The following TAFA2 variants were observed in gnomAD, a reference collection of about 807,000 sequenced individuals.
TAFA2 encodes the protein chemokine-like protein TAFA-2.
A neutral mutation model predicts 18.8 loss-of-function variants in TAFA2; 7 were observed. The ratio of observed to expected loss-of-function variants is 0.37; its 90% confidence interval spans 0.21 to 0.70. The LOEUF is 0.70. Among genes scored for constraint, TAFA2 ranks in the 30% least tolerant of loss-of-function variants. TAFA2 has a pLI of 0.53. For missense variants in TAFA2, 122 were observed against 158.1 expected, an observed-to-expected ratio of 0.77 and a Z score of 1.23; for synonymous variants, 60 against 54.2, an observed-to-expected ratio of 1.11 and a Z score of -0.47.
intron 2 of TAFA2, among the ~76,000 whole-genome samples, chr12:61,848,928 A>G (rs1873522694): frequency 6.6e-6 from 1 of 150,634 alleles, no homozygotes; most frequent in African/African-American, 2.4e-5. Flanking sequence ...TGCAACCTCC[A>G]CCTAGCAGGT....
At chr12:61,982,143 T>C (rs1879656154) in intron 1 of TAFA2, among the ~76,000 whole-genome samples, 1 of 152,028 alleles carries the variant, frequency 6.6e-6, no homozygotes, top group African/African-American at 2.4e-5. Context: ...CTTTGCAGGG[T>C]TGTGGATGAA....
At position 62,040,977 on chromosome 12, in the gene TAFA2, G is replaced by A. The variant is rs76651355; in HGVS notation, c.-2+150282C>T. Among the ~76,000 whole-genome samples, 758 of 152,216 alleles carry A rather than the reference G, an allele frequency of 5.0e-3. 4 individuals carry two copies. The highest frequency in any genetic ancestry group is 0.013 in the African/African-American group (540 of 41,542). On this transcript the variant is annotated intron_variant, in intron 1 of 4. Transcript: ENST00000416284. ...CAAAATATTTTTGAGCACTTGAGCCGTGAACAAGAAAGACTAATAATAAAC... is the reference window on the plus strand; with the variant it reads ...CAAAATATTTTTGAGCACTTGAGCCATGAACAAGAAAGACTAATAATAAAC...
chr12:62,078,125 T>G (rs1187333174), intron 1 of TAFA2, among the ~76,000 whole-genome samples: 2 of 152,078 alleles, frequency 1.3e-5, no homozygotes, highest in Non-Finnish European at 2.9e-5. Context: ...TCCATGGGCC[T>G]CATATGTCCG....
intron 2 of TAFA2, among the ~76,000 whole-genome samples, chr12:61,847,421 A>G (rs1052221516): frequency 1.3e-4 from 20 of 152,224 alleles, no homozygotes; most frequent in African/African-American, 4.8e-4. Flanking sequence ...TTACTGGGAA[A>G]TAAAATGTTT....
intron 1 of TAFA2, among the ~76,000 whole-genome samples, chr12:62,095,430 G>C (rs1201051486): frequency 1.3e-5 from 2 of 152,136 alleles, no homozygotes; most frequent in Non-Finnish European, 2.9e-5. Flanking sequence ...AGGTCTAAAA[G>C]AACATGGTCA....
Position 62,228,521 on chromosome 12 carries a change from C to T in TAFA2, c.-130+30242G>A, listed in dbSNP as rs1256888279. Among the ~76,000 whole-genome samples the T allele has an allele frequency of 3.3e-5, 5 of 152,240 alleles. No homozygotes were observed. In the East Asian group the frequency reaches 9.6e-4, roughly 29 times the overall value. On this transcript the variant is annotated intron_variant, in intron 1 of 5. Coordinates refer to the TAFA2 transcript ENST00000551619. ...CCCACCAACAGTGCATAAGCATTCCCTTTTCTCTGCAACCTCACCAACATC... is the reference window on the plus strand; with the variant it reads ...CCCACCAACAGTGCATAAGCATTCCTTTTTCTCTGCAACCTCACCAACATC...
At chr12:61,880,120 G>T in intron 1 of TAFA2, 1 of 611,356 alleles carries the variant, frequency 1.6e-6, no homozygotes. Flanking sequence ...TCAAGGCCCA[G>T]TATAAGGAGA....
chr12:61,945,742 C>G (rs1174555201), intron 1 of TAFA2, among the ~76,000 whole-genome samples: 1 of 141,702 alleles, frequency 7.1e-6, no homozygotes, highest in Non-Finnish European at 1.5e-5. Context: ...AGGAATCCAA[C>G]TTACAAGGGA....
chr12:61,967,024 C>G (rs904172214), intron 1 of TAFA2, among the ~76,000 whole-genome samples: 3 of 151,736 alleles, frequency 2.0e-5, no homozygotes, highest in Non-Finnish European at 4.4e-5. Flanking sequence ...TGACCTGGAG[C>G]AAAATACATT....
chr12:61,992,423 T>C (rs1399709913), intron 1 of TAFA2, among the ~76,000 whole-genome samples: 1 of 152,094 alleles, frequency 6.6e-6, no homozygotes, highest in Non-Finnish European at 1.5e-5. Context: ...ATCTAACCAA[T>C]TTTCACAGCT....
chr12:61,947,185 T>C (rs2121442237), intron 1 of TAFA2, among the ~76,000 whole-genome samples: 1 of 147,570 alleles, frequency 6.8e-6, no homozygotes, highest in Middle Eastern at 3.4e-3. Flanking sequence ...GAAACCATCA[T>C]TCTCAGTAAA....
chr12:62,167,822 G>C (rs2062450287), intron 1 of TAFA2, among the ~76,000 whole-genome samples: 1 of 152,024 alleles, frequency 6.6e-6, no homozygotes, highest in Non-Finnish European at 1.5e-5. Flanking sequence ...AGACACACTT[G>C]AATCATCTTG....
chr12:61,864,135 T>C (rs915960823), intron 2 of TAFA2, among the ~76,000 whole-genome samples: 3 of 152,148 alleles, frequency 2.0e-5, no homozygotes, highest in Non-Finnish European at 4.4e-5. Flanking sequence ...AAGACTCATG[T>C]CATACGCAAA....
chr12:61,883,732 G>C (rs1875249062), intron 1 of TAFA2, among the ~76,000 whole-genome samples: 1 of 152,138 alleles, frequency 6.6e-6, no homozygotes, highest in Non-Finnish European at 1.5e-5. Context: ...AAAACTCCAA[G>C]TTTGAGTCTA....
chr12:61,896,346 T>C (rs1875842809), intron 1 of TAFA2, among the ~76,000 whole-genome samples: 1 of 152,210 alleles, frequency 6.6e-6, no homozygotes, highest in Non-Finnish European at 1.5e-5. Flanking sequence ...CTAATTATAT[T>C]ACACTTTCAT....
intron 1 of TAFA2, among the ~76,000 whole-genome samples, chr12:61,961,154 G>A (rs555964716): frequency 1.3e-4 from 19 of 151,930 alleles, no homozygotes; most frequent in African/African-American, 4.3e-4. Flanking sequence ...AGAGAGAGAA[G>A]GTGGGAGGTG....
chr12:61,833,406 GC>G (rs944356264), intron 2 of TAFA2, among the ~76,000 whole-genome samples: 6 of 151,838 alleles, frequency 4.0e-5, no homozygotes, highest in African/African-American at 1.5e-4. Flanking sequence ...TTATAGAGTA[GC>G]CCCAAACTAT....
chr12:62,134,078 C>T (rs753077169), intron 1 of TAFA2, among the ~76,000 whole-genome samples: 81 of 151,756 alleles, frequency 5.3e-4, no homozygotes, highest in Non-Finnish European at 9.7e-4. Context: ...ATTTCATCTG[C>T]TTAGGACACT....
In TAFA2 at chr12:62,130,364, T is replaced by C. The variant is rs998186621; in HGVS notation, c.-2+60895A>G. On this transcript the variant is annotated intron_variant, in intron 1 of 4. Coordinates refer to ENST00000416284, the MANE Select transcript of TAFA2 (RefSeq NM_178539.5). ...ATTTTGCAGAGAAGGAAAAACTTTA[T>C]ATTTTTGTTCAAAATTAAAGTAATG... Among the ~76,000 whole-genome samples, 4 of 151,990 alleles carry C rather than the reference T, an allele frequency of 2.6e-5. No homozygotes were observed. In the South Asian group the frequency reaches 6.2e-4, roughly 24 times the overall value.
Sources: gnomAD v4.1 joint callset for allele counts (sites outside exome capture counted in the v4.1 genomes callset) on GRCh38, gnomAD v4.1.1 for gene constraint, MANE v1.5 for transcripts, NCBI Gene and HGNC (gene_info 2026-07-23, HGNC 2026-07-21) for gene names.